GUCY1A2: variants seen among roughly 807,000 people sequenced by gnomAD.
The protein encoded by GUCY1A2 is guanylate cyclase soluble subunit alpha-2.
A neutral mutation model predicts 63.5 loss-of-function variants in GUCY1A2; 27 were observed. The ratio of observed to expected loss-of-function variants is 0.43; its 90% CI spans 0.31 to 0.59. The LOEUF (loss-of-function observed/expected upper bound fraction) is 0.59. Among genes scored for constraint, GUCY1A2 ranks in the 20% least tolerant of loss-of-function variants. The pLI is 0.11. For synonymous variants in GUCY1A2, 364 were observed against 343.5 expected (o/e 1.06, Z -0.66); for missense variants, 768 against 913.3 (o/e 0.84, Z 2.05).
chr11:106,836,867 G>C (rs936231364), intron 4 of GUCY1A2, among the ~76,000 whole-genome samples: 7 of 151,914 alleles, frequency 4.6e-5, no homozygotes, highest in African/African-American at 1.7e-4. Flanking sequence ...TCTCTCAACT[G>C]CAAGTGGTAG....
chr11:106,939,768 T>C lies in GUCY1A2; in HGVS notation c.898A>G (p.Asn300Asp), dbSNP rs1195965934. ...CCCTGTGGAAGGTTCTTCATGATAT[T>C]AGTATTTTCACATTCTTTGATAAGG... is the stretch of plus-strand genomic sequence containing the variant. ...TFLIKECENT[N>D]IMKNLPQGTS... The change falls in exon 4 of 8, where the codon AAT becomes GAT. Residue 300 changes from asparagine to aspartate, a missense_variant. Physicochemically the swap from Asn to Asp is conservative, Grantham distance 23 (BLOSUM62 1). This residue lies in a region of GUCY1A2 where 496 missense variants were observed against 486.9 expected (regional missense o/e 1.02). Coordinates refer to ENST00000526355, the MANE Select transcript of GUCY1A2 (RefSeq NM_000855.3). The C allele has an allele frequency of 1.9e-6, 3 of 1,613,980 alleles. No homozygotes were observed. The highest frequency in any genetic ancestry group is 1.7e-5 in the Admixed American group (1 of 60,016).
chr11:106,820,823 T>G lies in GUCY1A2; in HGVS notation c.1207-10345A>C, dbSNP rs537080113. 4.6e-5 allele frequency among the ~76,000 whole-genome samples: 7 copies of G among 152,334 alleles called. 1 individual carries two copies. The highest frequency in any genetic ancestry group is 3.9e-4 in the Admixed American group (6 of 15,302). On this transcript the variant is annotated intron_variant, in intron 4 of 7. Transcript: ENST00000526355. ...ACTCAAGGCTAATTATGCTACTGTT[T>G]ATTCAATAGATTGAAATGTTGCCTT...
chr11:106,719,722 A>T (rs879293965), intron 6 of GUCY1A2, among the ~76,000 whole-genome samples: 2 of 152,160 alleles, frequency 1.3e-5, no homozygotes, highest in Non-Finnish European at 2.9e-5. Context: ...TTTGAATTTG[A>T]TTACTGGAGA....
chr11:106,998,336 C>G (rs1194746708), intron 1 of GUCY1A2, among the ~76,000 whole-genome samples: 1 of 152,134 alleles, frequency 6.6e-6, no homozygotes, highest in Non-Finnish European at 1.5e-5. Context: ...CAGCTGCTTA[C>G]AGAGGAGAGG....
At chr11:106,884,578 C>A (rs2155917) in intron 4 of GUCY1A2, among the ~76,000 whole-genome samples, 91,524 of 151,852 alleles carry the variant, frequency 0.6, 27,722 homozygotes, top group South Asian at 0.65. Flanking sequence ...ACTAAGAAAA[C>A]ACAGGAAAAG....
At chr11:106,687,851 C>T in intron 7 of GUCY1A2, 95 bp from the exon 8 acceptor site, 1 of 794,764 alleles carries the variant, frequency 1.3e-6, no homozygotes, top group Non-Finnish European at 2.2e-6. Context: ...CTATCTCTGA[C>T]TGTTCATGGT....
chr11:106,831,866 T>C (rs894253479), intron 4 of GUCY1A2, among the ~76,000 whole-genome samples: 1 of 152,096 alleles, frequency 6.6e-6, no homozygotes, highest in African/African-American at 2.4e-5. Flanking sequence ...GAAATCATTT[T>C]CCCCCAACTC....
chr11:106,985,089 C>T (rs185108547), intron 2 of GUCY1A2, among the ~76,000 whole-genome samples: 1 of 152,204 alleles, frequency 6.6e-6, no homozygotes, highest in Non-Finnish European at 1.5e-5. Context: ...TCACACTATA[C>T]CGTAATAATC....
chr11:106,996,143 C>G (rs1036300981), intron 1 of GUCY1A2, among the ~76,000 whole-genome samples: 5 of 152,100 alleles, frequency 3.3e-5, no homozygotes, highest in Admixed American at 2.0e-4. Flanking sequence ...GGGTTTCACT[C>G]CAGGCAAAGT....
intron 6 of GUCY1A2, among the ~76,000 whole-genome samples, chr11:106,735,778 G>C (rs1415253174): frequency 6.6e-6 from 1 of 152,170 alleles, no homozygotes; most frequent in South Asian, 2.1e-4. Context: ...CCTTTCTCCA[G>C]ATCCTCAGCA....
At chr11:106,856,869 A>C (rs1173368760) in intron 4 of GUCY1A2, among the ~76,000 whole-genome samples, 1 of 152,210 alleles carries the variant, frequency 6.6e-6, no homozygotes, top group Non-Finnish European at 1.5e-5. Context: ...CTTTATAAGA[A>C]ATGCAGACAT....
At chr11:106,921,587 C>T (rs1233027394) in intron 4 of GUCY1A2, among the ~76,000 whole-genome samples, 1 of 152,058 alleles carries the variant, frequency 6.6e-6, no homozygotes, top group Non-Finnish European at 1.5e-5. Context: ...AACCAATTGT[C>T]CACTCATCGA....
intron 5 of GUCY1A2, among the ~76,000 whole-genome samples, chr11:106,795,198 C>CT (rs903452370): frequency 7.8e-4 from 119 of 152,264 alleles, no homozygotes; most frequent in African/African-American, 2.6e-3. Context: ...GGTTTTCAGA[C>CT]TTTATCTTCA....
intron 3 of GUCY1A2, among the ~76,000 whole-genome samples, chr11:106,949,659 C>T (rs530294364): frequency 1.3e-5 from 2 of 152,194 alleles, no homozygotes; most frequent in East Asian, 3.9e-4. Context: ...GCTAATGTGT[C>T]CAATCCCTCA....
intron 1 of GUCY1A2, among the ~76,000 whole-genome samples, chr11:107,014,953 C>T (rs756886192): frequency 5.3e-5 from 8 of 152,192 alleles, no homozygotes; most frequent in Non-Finnish European, 8.8e-5. Flanking sequence ...AGGACATAAT[C>T]CATCTCCTGA....
Position 106,674,136 on chromosome 11 carries a change from C to T in GUCY1A2, c.*13413G>A. On this transcript the variant is annotated 3_prime_UTR_variant, in exon 8 of 8. Transcript: ENST00000526355. ...TTTGTAATGAATTATGTAAATATAA[C>T]ACAGAACTATCATTTCCACTTTGTT... is the stretch of plus-strand genomic sequence containing the variant. 5.5e-6 allele frequency: 1 copy of T among 182,162 alleles called. No homozygotes were observed. Among genetic ancestry groups the T allele is most frequent in the Non-Finnish European group, 1.2e-5 (1 of 85,378 alleles). The allele number at this position is 182,162 out of a possible 1,614,324, so 11.3% of individuals were successfully genotyped here. A position where few individuals can be genotyped will look rare whatever the true frequency, so the allele number is the denominator to read the frequency against.
chr11:106,794,235 C>G (rs1013235677), intron 5 of GUCY1A2, among the ~76,000 whole-genome samples: 1 of 151,886 alleles, frequency 6.6e-6, no homozygotes, highest in Non-Finnish European at 1.5e-5. Flanking sequence ...TGAAATAAGC[C>G]AGACACAGAA....
chr11:106,864,770 T>C (rs1320155553), intron 4 of GUCY1A2, among the ~76,000 whole-genome samples: 4 of 152,128 alleles, frequency 2.6e-5, no homozygotes, highest in African/African-American at 9.7e-5. Flanking sequence ...GAAGCCGACT[T>C]GATCATGGTG....
At chr11:106,827,893 T>A (rs1208280484) in intron 4 of GUCY1A2, 4 of 1,529,944 alleles carry the variant, frequency 2.6e-6, no homozygotes, top group Non-Finnish European at 3.6e-6. Context: ...GCCTTCATGC[T>A]GCCGGACTCC....
Sources: allele counts gnomAD v4.1 joint callset (sites outside exome capture counted in the v4.1 genomes callset), GRCh38; gene constraint gnomAD v4.1.1; regional missense constraint gnomAD v4.1.1; transcripts MANE v1.5; gene names NCBI Gene and HGNC (gene_info 2026-07-23, HGNC 2026-07-21).